The following PKHD1 variants were observed in gnomAD, a reference collection of about 807,000 sequenced individuals.
PKHD1 encodes fibrocystin.
In PKHD1, 291 loss-of-function variants were observed where a neutral mutation model predicts 412.0. The ratio of observed to expected loss-of-function variants is 0.71; its 90% CI spans 0.64 to 0.78. The LOEUF is 0.78. Ranked by LOEUF, PKHD1 falls within the 30% of genes least tolerant of loss-of-function variation. The pLI, the probability that PKHD1 is intolerant of heterozygous loss-of-function variation, is 0.00. For synonymous variants in PKHD1, 1,777 were observed against 1,821.5 expected, an observed-to-expected ratio of 0.98 and a Z score of 0.62; for missense variants, 4,825 against 4,950.7, an observed-to-expected ratio of 0.97 and a Z score of 0.76.
chr6:52,062,465 C>G, intron 14 of PKHD1, 54 bp downstream of exon 14: 1 of 1,581,466 alleles, frequency 6.3e-7, no homozygotes, highest in Non-Finnish European at 8.7e-7. Flanking sequence ...CCTAGCCTCA[C>G]CTAGGTTAGC....
chr6:52,065,055 A>T lies in PKHD1; in HGVS notation c.881-5T>A. 2 of 1,528,936 alleles carry T rather than the reference A, an allele frequency of 1.3e-6. No homozygotes were observed. Among genetic ancestry groups the T allele is most frequent in the South Asian group, 1.1e-5 (1 of 89,312 alleles). The allele number at this position is 1,528,936 out of a possible 1,614,324, so 94.7% of individuals were successfully genotyped here. On this transcript the variant is annotated splice_region_variant and splice_polypyrimidine_tract_variant and intron_variant, in intron 12 of 66. Transcript: ENST00000371117. Reference sequence around the variant, plus strand: ...GTCTAATATCACATGGAATGCCTAAAGCGAATTAAAGAAATTTATGTATGT... The same window carrying T: ...GTCTAATATCACATGGAATGCCTAATGCGAATTAAAGAAATTTATGTATGT...
chr6:51,804,243 C>T (rs1366191876), intron 52 of PKHD1, among the ~76,000 whole-genome samples: 6 of 150,308 alleles, frequency 4.0e-5, no homozygotes, highest in Non-Finnish European at 7.4e-5. Flanking sequence ...CACCAACAGT[C>T]CACACAGATG....
Position 51,659,511 on chromosome 6 carries a change from T to C in PKHD1, c.10615A>G (p.Met3539Val). Reference protein sequence around the residue: ...ESIGANYFNIMDNLLYVVLQG... With the variant: ...ESIGANYFNIVDNLLYVVLQG... ...AGGACAACATACAAGAGGTTATCCA[T>C]GATGTTGAAATAGTTGGCACCAATA... Residue 3539 changes from methionine to valine, a missense_variant, in exon 61 of 67, where the codon ATG (methionine) becomes GTG (valine). Transcript: ENST00000371117. 1.2e-6 allele frequency: 2 copies of C among 1,613,454 alleles called. No homozygotes were observed. The highest frequency in any genetic ancestry group is 2.2e-5 in the South Asian group (2 of 91,068).
Position 52,043,076 on chromosome 6 carries a change from C to T in PKHD1, c.2880G>A (p.Gln960=). 2 of 1,613,774 alleles carry T rather than the reference C, an allele frequency of 1.2e-6. No homozygotes were observed. Among genetic ancestry groups the T allele is most frequent in the South Asian group, 1.1e-5 (1 of 91,080 alleles). ...TTTTGTTCACTGTAACCTGCAAGAA[C>T]TGGGAGTCACCAGAGAAACCAGTTC... ...ITGTGFSGDS[Q]FLQVTVNKTS... The change falls in exon 27 of 67, where the codon CAG becomes CAA. Residue 960 remains glutamine, a synonymous_variant. Transcript: ENST00000371117.
At chr6:51,988,630 T>G (rs1315259830) in intron 35 of PKHD1, among the ~76,000 whole-genome samples, 7 of 152,190 alleles carry the variant, frequency 4.6e-5, no homozygotes, top group African/African-American at 1.7e-4. Flanking sequence ...GAGTCCACAT[T>G]GATAAAAGAT....
chr6:52,041,489 G>A (rs537651251), intron 27 of PKHD1, among the ~76,000 whole-genome samples: 1 of 152,286 alleles, frequency 6.6e-6, no homozygotes, highest in East Asian at 1.9e-4. Flanking sequence ...TGTTGAGTGA[G>A]TGAGTACTGA....
In PKHD1 at chr6:51,649,200, G is replaced by A. The variant is rs746965850; in HGVS notation, c.11195C>T (p.Thr3732Ile). 13 of 1,610,736 alleles carry A rather than the reference G, an allele frequency of 8.1e-6. No individual in the cohort carries two copies. Among genetic ancestry groups the A allele is most frequent in the Non-Finnish European group, 1.0e-5 (12 of 1,177,170 alleles). ...IGYGNTSSFK[T>I]GNLIYIRPYA... Reference sequence around the variant, plus strand: ...GGGCCGAATATATATCAAGTTCCCAGTTTTAAAACTGCTTGTATTTCTGAC... The same window carrying A: ...GGGCCGAATATATATCAAGTTCCCAATTTTAAAACTGCTTGTATTTCTGAC... Residue 3732 changes from threonine to isoleucine, a missense_variant, in exon 62 of 67, where the codon ACT (threonine) becomes ATT (isoleucine). Thr to Ile is a moderately conservative substitution (Grantham distance 89). Coordinates refer to ENST00000371117, the MANE Select transcript of PKHD1 (RefSeq NM_138694.4).
intron 27 of PKHD1, among the ~76,000 whole-genome samples, chr6:52,042,282 T>C (rs1377139374): frequency 6.6e-6 from 1 of 152,164 alleles, no homozygotes; most frequent in Non-Finnish European, 1.5e-5. Context: ...TAAGCTGCAG[T>C]CCTCTGGACT....
chr6:51,892,846 C>T (rs1779321849), intron 43 of PKHD1, among the ~76,000 whole-genome samples: 1 of 152,248 alleles, frequency 6.6e-6, no homozygotes, highest in Non-Finnish European at 1.5e-5. Flanking sequence ...TGCACTCCTG[C>T]TTCTTGGCCT....
At chr6:51,775,339 T>A (rs1237533625) in intron 54 of PKHD1, among the ~76,000 whole-genome samples, 1 of 151,898 alleles carries the variant, frequency 6.6e-6, no homozygotes, top group East Asian at 1.9e-4. Context: ...CATATGGTTA[T>A]ACAAGGCCAG....
At chr6:51,820,381 A>T (rs1766194225) in intron 52 of PKHD1, among the ~76,000 whole-genome samples, 1 of 152,206 alleles carries the variant, frequency 6.6e-6, no homozygotes, top group Admixed American at 6.5e-5. Flanking sequence ...CTATAGAAGG[A>T]GCAGCAAGCA....
In PKHD1 at chr6:52,042,867, G is replaced by A. The variant is rs777976050; in HGVS notation, c.3089C>T (p.Ala1030Val). 1.5e-5 allele frequency: 25 copies of A among 1,613,462 alleles called. No individual in the cohort carries two copies. The highest frequency in any genetic ancestry group is 3.3e-5 in the Admixed American group (2 of 59,962). ...RLDMVEPSRA[A>V]DIGGLWATIR... ...GACCCTCCCCAGATTACCAATATCC[G>A]CAGCTCTGGAAGGCTCCACCATATC... The change falls in exon 27 of 67, where the codon GCG becomes GTG. Residue 1030 changes from alanine to valine, a missense_variant. Coordinates refer to ENST00000371117, the MANE Select transcript of PKHD1 (RefSeq NM_138694.4).
chr6:51,874,447 A>G (rs774551477), intron 46 of PKHD1, among the ~76,000 whole-genome samples: 2 of 152,162 alleles, frequency 1.3e-5, no homozygotes, highest in African/African-American at 4.8e-5. Flanking sequence ...TCTCAATACA[A>G]AGGTAACATT....
chr6:51,619,265 T>G lies in PKHD1; in HGVS notation c.12041A>C (p.Gln4014Pro). ...EQLLRYQLAG[Q>P]NQLLLLCPDF... is the part of the protein sequence containing the mutation. ...TGGGCATAGCAGCAGCAGCTGATTT[T>G]GGCCTGCCAGCTGGTATCTGAGCAA... The change falls in exon 67 of 67, where the codon CAA (glutamine) becomes CCA (proline). Residue 4014 changes from glutamine (Q) to proline (P), a missense_variant. Gln to Pro is a moderately conservative substitution (Grantham distance 76, BLOSUM62 -1). Coordinates refer to ENST00000371117, the MANE Select transcript of PKHD1 (RefSeq NM_138694.4). The G allele has an allele frequency of 6.2e-7, 1 of 1,614,258 alleles. No homozygotes were observed. The highest frequency in any genetic ancestry group is 8.5e-7 in the Non-Finnish European group (1 of 1,180,042).
intron 66 of PKHD1, among the ~76,000 whole-genome samples, chr6:51,619,820 C>CACTTACCAACAGGCCA (rs1034576881): frequency 1.3e-5 from 2 of 152,140 alleles, no homozygotes; most frequent in African/African-American, 2.4e-5. Flanking sequence ...GGCCAACTCA[C>CACTTACCAACAGGCCA]ACTTACCAAC....
Position 52,033,096 on chromosome 6 carries a change from A to G in PKHD1, c.3298T>C (p.Phe1100Leu). 2 of 1,610,852 alleles carry G rather than the reference A, an allele frequency of 1.2e-6. No homozygotes were observed. The highest frequency in any genetic ancestry group is 1.3e-5 in the African/African-American group (1 of 74,972). ...GGATTTAAGGAAGAGACATATGTAA[A>G]TGCTCTGGGAAGAACTGCAGAATAG... ...GDYSAVLPRA[F>L]TYVSSLNPVI... Residue 1100 changes from phenylalanine to leucine, a missense_variant, in exon 29 of 67, where the codon TTT (phenylalanine) becomes CTT (leucine). By Grantham distance (22) the Phe-to-Leu change is conservative. Transcript: ENST00000371117.
intron 52 of PKHD1, among the ~76,000 whole-genome samples, chr6:51,826,395 G>A (rs1298049807): frequency 6.6e-6 from 1 of 152,116 alleles, no homozygotes; most frequent in Non-Finnish European, 1.5e-5. Context: ...CAAAGATGCT[G>A]GAGGCTACAT....
At chr6:52,043,817 T>C in intron 25 of PKHD1, 87 bp from the exon 26 acceptor site, 2 of 860,492 alleles carry the variant, frequency 2.3e-6, no homozygotes, top group Non-Finnish European at 2.0e-6. Context: ...GCTCCCAAGC[T>C]GACACGTGTT....
At chr6:51,679,775 T>A (rs185952734) in intron 60 of PKHD1, among the ~76,000 whole-genome samples, 1 of 152,154 alleles carries the variant, frequency 6.6e-6, no homozygotes. Context: ...ACTGCCTTTA[T>A]TCAGGAACAA....
Sources: allele counts gnomAD v4.1 joint callset (sites outside exome capture counted in the v4.1 genomes callset), GRCh38; gene constraint gnomAD v4.1.1; transcripts MANE v1.5; gene names NCBI Gene and HGNC (gene_info 2026-07-23, HGNC 2026-07-21).